Variants in PREX2 observed in about 807,000 individuals in gnomAD.
PREX2 encodes phosphatidylinositol 3,4,5-trisphosphate-dependent Rac exchanger 2 protein.
In PREX2, 107 loss-of-function variants were observed where a neutral mutation model predicts 203.2. The observed-to-expected ratio is 0.53, with a 90% confidence interval of 0.45 to 0.62. The LOEUF (loss-of-function observed/expected upper bound fraction) is 0.62, where lower values mean the gene tolerates loss of function less well. PREX2 is among the 20% of genes least tolerant of loss of function. PREX2 has a pLI of 0.00. For missense variants in PREX2, 1,777 were observed against 1,955.9 expected (o/e 0.91, Z 1.72); for synonymous variants, 672 against 663.6 (o/e 1.01, Z -0.19).
intron 29 of PREX2, 55 bp downstream of exon 29, chr8:68,120,341 C>A: frequency 8.3e-7 from 1 of 1,199,320 alleles, no homozygotes; most frequent in Non-Finnish European, 1.2e-6. Flanking sequence ...AGGTGGTAGA[C>A]AATATAGTCA....
chr8:68,094,339 A>G (rs1019772496), intron 21 of PREX2, among the ~76,000 whole-genome samples: 6 of 152,236 alleles, frequency 3.9e-5, no homozygotes, highest in African/African-American at 1.4e-4. Context: ...AAAGGAGCAA[A>G]CTAGTAGTGT....
chr8:68,137,117 G>T (rs113063232), intron 32 of PREX2, among the ~76,000 whole-genome samples: 15 of 152,112 alleles, frequency 9.9e-5, no homozygotes, highest in African/African-American at 3.4e-4. Context: ...TTTTTGTCAG[G>T]CTGGTCTTGA....
chr8:68,159,634 A>G lies in PREX2; in HGVS notation c.4346+2198A>G, dbSNP rs568943781. Reference sequence around the variant, plus strand: ...AACCTTATAAAGGAATTGTGCAGACAAAGTACCAGACCAGTCTTTCCAAGG... The same window carrying G: ...AACCTTATAAAGGAATTGTGCAGACGAAGTACCAGACCAGTCTTTCCAAGG... On this transcript the variant is annotated intron_variant, in intron 35 of 39. Coordinates refer to ENST00000288368, the MANE Select transcript of PREX2 (RefSeq NM_024870.4). Among the ~76,000 whole-genome samples, 3 of 152,336 alleles carry G rather than the reference A, an allele frequency of 2.0e-5. No individual in the cohort carries two copies. In the East Asian group the frequency reaches 5.8e-4, roughly 29 times the overall value.
intron 23 of PREX2, chr8:68,101,249 G>A (rs1315502681): frequency 4.4e-6 from 2 of 459,122 alleles, no homozygotes; most frequent in African/African-American, 2.0e-5. Context: ...AGGGATGTGT[G>A]TAAATTAATA....
chr8:68,190,667 T>C (rs972658235), intron 35 of PREX2, among the ~76,000 whole-genome samples: 1 of 152,068 alleles, frequency 6.6e-6, no homozygotes, highest in Non-Finnish European at 1.5e-5. Flanking sequence ...ATTTGAGTGA[T>C]GGGTACAGTA....
chr8:68,009,852 C>A lies in PREX2; in HGVS notation c.142-7994C>A, dbSNP rs546995516. Among the ~76,000 whole-genome samples the A allele has an allele frequency of 2.6e-5, 4 of 152,322 alleles. No homozygotes were observed. The South Asian group carries it at 8.3e-4, about 32-fold the overall frequency. On this transcript the variant is annotated intron_variant, in intron 1 of 39. Coordinates refer to ENST00000288368, the MANE Select transcript of PREX2 (RefSeq NM_024870.4). ...GGTAGCACCTAGAAGAAGGCAGCTT[C>A]CAAAGGAACAGTCTTCTTTTCTGAA...
rs562639673 is a variant in PREX2, at chr8:67,981,081, T to C, written c.141+28546T>C. Among the ~76,000 whole-genome samples, 5 of 152,356 alleles carry C rather than the reference T, an allele frequency of 3.3e-5. No homozygotes were observed. In the East Asian group the frequency reaches 9.6e-4, roughly 29 times the overall value. On this transcript the variant is annotated intron_variant, in intron 1 of 39. Transcript: ENST00000288368. Reference sequence around the variant, plus strand: ...ACATAATTATTTTTGATAGGAAGTGTAATAGCCTGAAAATAGGAAAGTACA... The same window carrying C: ...ACATAATTATTTTTGATAGGAAGTGCAATAGCCTGAAAATAGGAAAGTACA...
intron 1 of PREX2, among the ~76,000 whole-genome samples, chr8:67,971,230 C>T (rs1042386436): frequency 6.6e-5 from 10 of 152,050 alleles, no homozygotes; most frequent in African/African-American, 2.4e-4. Context: ...TCTGGGAGGC[C>T]GGCTTCTAGC....
intron 1 of PREX2, among the ~76,000 whole-genome samples, chr8:67,999,478 C>CAGAAAA (rs1806872504): frequency 1.1e-5 from 1 of 92,092 alleles, no homozygotes; most frequent in Non-Finnish European, 2.1e-5. Context: ...GCCAACAAAC[C>CAGAAAA]AAAAAAAAAA....
intron 11 of PREX2, among the ~76,000 whole-genome samples, chr8:68,068,552 A>C (rs1479908701): frequency 6.6e-6 from 1 of 152,254 alleles, no homozygotes; most frequent in African/African-American, 2.4e-5. Context: ...TCTTGGCCTG[A>C]TCACAGTGTG....
chr8:68,062,024 T>C (rs777665763), intron 11 of PREX2, among the ~76,000 whole-genome samples: 29 of 152,306 alleles, frequency 1.9e-4, no homozygotes, highest in South Asian at 1.5e-3. Flanking sequence ...CTTTCTTAGA[T>C]ACTGTGCAAA....
intron 6 of PREX2, among the ~76,000 whole-genome samples, chr8:68,032,141 T>C (rs1327957953): frequency 6.6e-6 from 1 of 152,176 alleles, no homozygotes; most frequent in Non-Finnish European, 1.5e-5. Context: ...CGAGGGTGCC[T>C]GACTTCACCA....
chr8:68,020,116 A>C (rs1041647909), intron 3 of PREX2, among the ~76,000 whole-genome samples: 3 of 152,122 alleles, frequency 2.0e-5, no homozygotes, highest in South Asian at 2.1e-4. Context: ...CAGTAGCAGG[A>C]ATTTTCCCCA....
At position 68,090,641 on chromosome 8, in the gene PREX2, A is replaced by T. The variant is rs755672906; in HGVS notation, c.2176A>T (p.Asn726Tyr). Residue 726 changes from asparagine (N) to tyrosine (Y), a missense_variant, in exon 20 of 40, where the codon AAT becomes TAT. Coordinates refer to ENST00000288368, the MANE Select transcript of PREX2 (RefSeq NM_024870.4). ...GQCIIKVNGI[N>Y]VSKETHASVI... Reference sequence around the variant, plus strand: ...GTGCATTATCAAGGTGAATGGAATCAATGTCAGCAAAGAGACACATGCCAG... The same window carrying T: ...GTGCATTATCAAGGTGAATGGAATCTATGTCAGCAAAGAGACACATGCCAG... 6.2e-7 allele frequency: 1 copy of T among 1,614,042 alleles called. No homozygotes were observed. The highest frequency in any genetic ancestry group is 1.7e-5 in the Admixed American group (1 of 60,020).
rs149293002 is a variant in PREX2 at position 68,068,648 on chromosome 8, C to T, written c.1340-385C>T. On this transcript the variant is annotated intron_variant, in intron 11 of 39. Transcript: ENST00000288368. Reference sequence around the variant, plus strand: ...GTTTGAGTATCTGCTCTTTGAGGGGCACTTTTTGCTCAGCTTTGTAGCATT... The same window carrying T: ...GTTTGAGTATCTGCTCTTTGAGGGGTACTTTTTGCTCAGCTTTGTAGCATT... 4.8e-3 allele frequency among the ~76,000 whole-genome samples: 728 copies of T among 151,964 alleles called. 3 individuals are homozygous for T. The highest frequency in any genetic ancestry group is 6.6e-3 in the Non-Finnish European group (448 of 67,912).
At chr8:68,026,621 A>G (rs936984426) in intron 4 of PREX2, among the ~76,000 whole-genome samples, 1 of 151,792 alleles carries the variant, frequency 6.6e-6, no homozygotes, top group Non-Finnish European at 1.5e-5. Flanking sequence ...TTCCTCATTC[A>G]TCTTGCCTCT....
intron 3 of PREX2, 53 bp downstream of exon 3, chr8:68,019,724 T>C: frequency 6.5e-7 from 1 of 1,536,718 alleles, no homozygotes; most frequent in Non-Finnish European, 8.8e-7. Context: ...GATTTTGAGA[T>C]TTAGCTCTTG....
intron 35 of PREX2, among the ~76,000 whole-genome samples, chr8:68,157,918 A>C (rs1342567082): frequency 6.6e-6 from 1 of 151,908 alleles, no homozygotes; most frequent in South Asian, 2.1e-4. Context: ...TAATGCTTGC[A>C]TTTTACTGTC....
At chr8:67,978,059 C>T (rs541013257) in intron 1 of PREX2, among the ~76,000 whole-genome samples, 4 of 152,284 alleles carry the variant, frequency 2.6e-5, no homozygotes, top group East Asian at 1.9e-4. Flanking sequence ...CAGGTCACAA[C>T]CCGGGGCATG....
Sources: gnomAD v4.1 joint callset for allele counts (sites outside exome capture counted in the v4.1 genomes callset) on GRCh38, gnomAD v4.1.1 for gene constraint, MANE v1.5 for transcripts, NCBI Gene and HGNC (gene_info 2026-07-23, HGNC 2026-07-21) for gene names.